TPRG1: variants seen among roughly 807,000 people sequenced by gnomAD.
TPRG1 encodes the protein tumor protein p63-regulated gene 1 protein.
Under a neutral mutation model 29.3 loss-of-function variants are expected in TPRG1, and 29 were observed. The observed-to-expected ratio is 0.99, with a 90% CI of 0.74 to 1.35. The LOEUF (loss-of-function observed/expected upper bound fraction) is 1.35. TPRG1 is among the 40% of genes most tolerant of loss of function. The pLI is 0.00. For synonymous variants in TPRG1, 130 were observed against 116.8 expected, an observed-to-expected ratio of 1.11 and a Z score of -0.73; for missense variants, 327 against 335.0, an observed-to-expected ratio of 0.98 and a Z score of 0.19.
chr3:189,009,500 C>T (rs970932893), intron 3 of TPRG1, among the ~76,000 whole-genome samples: 1 of 152,132 alleles, frequency 6.6e-6, no homozygotes, highest in African/African-American at 2.4e-5. Flanking sequence ...AAAAATTCTA[C>T]TCAGTGAAAA....
intron 4 of TPRG1, among the ~76,000 whole-genome samples, chr3:189,078,132 TCTTTC>T (rs1425994498): frequency 3.9e-3 from 517 of 134,146 alleles, no homozygotes; most frequent in African/African-American, 0.013. Context: ...TTTCTTTCTT[TCTTTC>T]CTTTCTTTTT....
At chr3:189,262,975 G>A (rs558560498) in intron 4 of TPRG1, among the ~76,000 whole-genome samples, 1 of 152,382 alleles carries the variant, frequency 6.6e-6, no homozygotes, top group African/African-American at 2.4e-5. Flanking sequence ...GCAAGAGAGA[G>A]AGCAAGAGAG....
chr3:189,061,733 C>T (rs984334208), intron 4 of TPRG1, among the ~76,000 whole-genome samples: 21 of 152,032 alleles, frequency 1.4e-4, no homozygotes, highest in East Asian at 1.2e-3. Flanking sequence ...AAAACCACAA[C>T]GAGATGCCAT....
At chr3:189,203,813 G>A (rs999626523) in intron 1 of TPRG1, among the ~76,000 whole-genome samples, 7 of 152,038 alleles carry the variant, frequency 4.6e-5, no homozygotes, top group African/African-American at 1.4e-4. Flanking sequence ...AGACTGAGGC[G>A]GGTGGATCAC....
At chr3:189,056,530 T>C (rs1035065139) in intron 4 of TPRG1, among the ~76,000 whole-genome samples, 1 of 152,204 alleles carries the variant, frequency 6.6e-6, no homozygotes, top group African/African-American at 2.4e-5. Flanking sequence ...CAAGTCTCCC[T>C]GCCAATCAAA....
At chr3:189,150,696 C>T (rs1486592854) in exon 5 of TPRG1, 2 of 152,102 alleles carry the variant, frequency 1.3e-5, no homozygotes, top group Non-Finnish European at 2.9e-5. Context: ...CATTTGGGAC[C>T]TCAGTGAAGT....
intron 4 of TPRG1, among the ~76,000 whole-genome samples, chr3:189,297,580 C>T (rs1576998149): frequency 6.6e-6 from 1 of 152,156 alleles, no homozygotes; most frequent in East Asian, 1.9e-4. Flanking sequence ...CCACTCCAGA[C>T]CAGCTGGATC....
At chr3:189,117,010 G>C (rs1357363163) in intron 1 of TPRG1, among the ~76,000 whole-genome samples, 1 of 152,112 alleles carries the variant, frequency 6.6e-6, no homozygotes, top group Non-Finnish European at 1.5e-5. Flanking sequence ...AGTTAGACTT[G>C]GCTGTATCCC....
At position 189,055,984 on chromosome 3, in the gene TPRG1, C is replaced by T. The variant is rs117528442; in HGVS notation, c.-463+32038C>T. On this transcript the variant is annotated intron_variant, in intron 4 of 10. Transcript: ENST00000433971. Reference sequence around the variant, plus strand: ...GCTCTTTCTTACTCTGCTTCAATGTCACCTCTTGTATGAGGATCTCTCTCT... The same window carrying T: ...GCTCTTTCTTACTCTGCTTCAATGTTACCTCTTGTATGAGGATCTCTCTCT... Among the ~76,000 whole-genome samples, 220 of 151,950 alleles carry T rather than the reference C, an allele frequency of 1.4e-3. 2 individuals are homozygous for T. The highest frequency in any genetic ancestry group is 9.0e-3 in the East Asian group (46 of 5,128).
intron 1 of TPRG1, among the ~76,000 whole-genome samples, chr3:189,117,798 C>T (rs1357486147): frequency 6.6e-6 from 1 of 152,208 alleles, no homozygotes; most frequent in African/African-American, 2.4e-5. Context: ...TTGTAAGTTT[C>T]CTGAGGCCTC....
intron 4 of TPRG1, among the ~76,000 whole-genome samples, chr3:189,091,813 T>A (rs1718355830): frequency 6.6e-6 from 1 of 152,220 alleles, no homozygotes; most frequent in Non-Finnish European, 1.5e-5. Flanking sequence ...GTCTTGTATC[T>A]TCTGTGTTAC....
At chr3:189,191,746 G>A (rs1731724027) in intron 1 of TPRG1, among the ~76,000 whole-genome samples, 1 of 152,026 alleles carries the variant, frequency 6.6e-6, no homozygotes, top group South Asian at 2.1e-4. Context: ...TAAGACCTGG[G>A]CTCTCCTTCC....
At chr3:189,318,120 G>A (rs774896840) in intron 5 of TPRG1, among the ~76,000 whole-genome samples, 8 of 152,156 alleles carry the variant, frequency 5.3e-5, no homozygotes, top group Non-Finnish European at 1.2e-4. Context: ...TCTATTACAG[G>A]AGACTTCCTT....
intron 5 of TPRG1, among the ~76,000 whole-genome samples, chr3:189,154,498 A>G (rs886781557): frequency 1.2e-4 from 18 of 151,488 alleles, no homozygotes; most frequent in African/African-American, 2.9e-4. Context: ...CTGGAGTGCA[A>G]TGGTGCGATC....
At chr3:189,113,707 G>A (rs1234181740) in intron 1 of TPRG1, among the ~76,000 whole-genome samples, 3 of 148,844 alleles carry the variant, frequency 2.0e-5, no homozygotes, top group Non-Finnish European at 4.4e-5. Flanking sequence ...TCATAGGTGG[G>A]AATTGAACAA....
At chr3:189,101,177 G>A (rs1241921120) in intron 1 of TPRG1, among the ~76,000 whole-genome samples, 1 of 151,988 alleles carries the variant, frequency 6.6e-6, no homozygotes, top group African/African-American at 2.4e-5. Flanking sequence ...TACCCTTGAA[G>A]TTTGCCTGTT....
chr3:189,196,590 A>G (rs1732570098), intron 1 of TPRG1, among the ~76,000 whole-genome samples: 1 of 151,958 alleles, frequency 6.6e-6, no homozygotes, highest in African/African-American at 2.4e-5. Flanking sequence ...ACTCACTATC[A>G]CGAGAACAGC....
chr3:189,244,623 T>G (rs1741112371), intron 4 of TPRG1, among the ~76,000 whole-genome samples: 1 of 152,134 alleles, frequency 6.6e-6, no homozygotes, highest in African/African-American at 2.4e-5. Flanking sequence ...TTACAAGAAC[T>G]CACTCACTAT....
chr3:189,153,862 A>G (rs956841909), intron 5 of TPRG1, among the ~76,000 whole-genome samples: 17 of 152,318 alleles, frequency 1.1e-4, no homozygotes, highest in African/African-American at 4.1e-4. Flanking sequence ...AGACAAGGCA[A>G]TCTTAGAGGA....
Sources: allele counts gnomAD v4.1 joint callset (sites outside exome capture counted in the v4.1 genomes callset), GRCh38; gene constraint gnomAD v4.1.1; transcripts MANE v1.5; gene names NCBI Gene and HGNC (gene_info 2026-07-23, HGNC 2026-07-21).